WASL: variants seen among roughly 807,000 people sequenced by gnomAD.
The protein encoded by WASL is actin nucleation-promoting factor WASL.
In WASL, 20 loss-of-function variants were observed where a neutral mutation model predicts 55.5. The ratio of observed to expected loss-of-function variants is 0.36; its 90% CI spans 0.25 to 0.52. WASL has a LOEUF of 0.52. Among genes scored for constraint, WASL ranks in the 20% least tolerant of loss-of-function variants. The pLI is 0.92. For synonymous variants in WASL, 249 were observed against 217.6 expected, an observed-to-expected ratio of 1.14 and a Z score of -1.27; for missense variants, 504 against 622.5, an observed-to-expected ratio of 0.81 and a Z score of 2.03.
At position 123,702,061 on chromosome 7, in the gene WASL, C is replaced by CT. The variant is rs1238911175; in HGVS notation, c.460+2572dup. Among the ~76,000 whole-genome samples the CT allele has an allele frequency of 9.8e-3, 1,446 of 148,180 alleles. 33 individuals carry two copies. The highest frequency in any genetic ancestry group is 0.034 in the African/African-American group (1,363 of 40,518). ...TCATAGAAAGAAACTACATTTAATTCTTTTTTTTTTGAGACGGAGTCTTGC... is the reference window on the plus strand; with the variant it reads ...TCATAGAAAGAAACTACATTTAATTCTTTTTTTTTTTGAGACGGAGTCTTGC... On this transcript the variant is annotated intron_variant, in intron 5 of 10. Coordinates refer to ENST00000223023, the MANE Select transcript of WASL (RefSeq NM_003941.4).
chr7:123,737,148 A>C (rs1804246345), intron 1 of WASL, among the ~76,000 whole-genome samples: 1 of 152,150 alleles, frequency 6.6e-6, no homozygotes, highest in African/African-American at 2.4e-5. Flanking sequence ...TAGCTGATGA[A>C]CTTTTAAAAA....
chr7:123,704,154 G>A (rs1399827826), intron 5 of WASL, among the ~76,000 whole-genome samples: 4 of 152,108 alleles, frequency 2.6e-5, no homozygotes, highest in Admixed American at 2.6e-4. Flanking sequence ...CACCACAACA[G>A]TAGGTGTTCA....
At chr7:123,736,167 T>C (rs1166127601) in intron 1 of WASL, among the ~76,000 whole-genome samples, 1 of 152,168 alleles carries the variant, frequency 6.6e-6, no homozygotes, top group Non-Finnish European at 1.5e-5. Flanking sequence ...TATAATTTTA[T>C]ACCCAGAGAA....
At chr7:123,687,423 G>T (rs184637013) in intron 10 of WASL, among the ~76,000 whole-genome samples, 116 of 152,044 alleles carry the variant, frequency 7.6e-4, no homozygotes, top group Non-Finnish European at 1.3e-3. Context: ...TGCAAGCTCC[G>T]TGATCTCCTC....
intron 1 of WASL, among the ~76,000 whole-genome samples, chr7:123,719,439 C>T (rs1803899824): frequency 1.3e-5 from 2 of 152,106 alleles, no homozygotes; most frequent in South Asian, 4.1e-4. Context: ...ACTGTGAAGT[C>T]CTAATCTGGG....
intron 1 of WASL, among the ~76,000 whole-genome samples, chr7:123,727,353 T>TCTCACACACACA (rs1554406247): frequency 1.2e-4 from 18 of 147,818 alleles, no homozygotes; most frequent in East Asian, 4.0e-4. Flanking sequence ...AAAATATGTG[T>TCTCACACACACA]CACACACACA....
intron 1 of WASL, among the ~76,000 whole-genome samples, chr7:123,732,897 A>G (rs1213970699): frequency 6.6e-6 from 1 of 152,244 alleles, no homozygotes; most frequent in African/African-American, 2.4e-5. Context: ...AAAGTCAACT[A>G]ATATAACCTA....
intron 5 of WASL, among the ~76,000 whole-genome samples, chr7:123,700,285 T>A (rs1803566823): frequency 6.6e-6 from 1 of 151,002 alleles, no homozygotes; most frequent in Admixed American, 6.6e-5. Flanking sequence ...GATGGGAAAT[T>A]AGAGTTTCTT....
rs180830904 is a variant in WASL, at chr7:123,707,024, G to A, written c.253-198C>T. Reference sequence around the variant, plus strand: ...CTTAAAACTGAAAACACTGGATAACGTATCTTTCATAAAACCTACATATCA... The same window carrying A: ...CTTAAAACTGAAAACACTGGATAACATATCTTTCATAAAACCTACATATCA... On this transcript the variant is annotated intron_variant, in intron 2 of 10. Transcript: ENST00000223023. Among the ~76,000 whole-genome samples, 20 of 152,160 alleles carry A rather than the reference G, an allele frequency of 1.3e-4. No homozygotes were observed. The East Asian group carries it at 1.4e-3, about 10-fold the overall frequency.
In WASL at chr7:123,748,706, G is replaced by A. The variant is rs1804488777; in HGVS notation, c.29C>T (p.Pro10Leu). 2 of 1,607,310 alleles carry A rather than the reference G, an allele frequency of 1.2e-6. No individual in the cohort carries two copies. Among genetic ancestry groups the A allele is most frequent in the Non-Finnish European group, 1.7e-6 (2 of 1,177,238 alleles). ...CCCCACGTTGGTGACCCTCCGCGGC[G>A]GCGGCGGCTGCTGCTGGACGGAGCT... MSSVQQQPPPPRRVTNVGSL... is the reference protein window; with the variant it reads MSSVQQQPPLPRRVTNVGSL... Residue 10 changes from proline (P) to leucine (L), a missense_variant, in exon 1 of 11, where the codon CCG becomes CTG. This residue lies in a region of WASL where 230 missense variants were observed against 271.9 expected (regional missense o/e 0.85). Transcript: ENST00000223023.
chr7:123,712,557 T>C (rs1419458216), intron 1 of WASL, among the ~76,000 whole-genome samples: 1 of 152,214 alleles, frequency 6.6e-6, no homozygotes, highest in African/African-American at 2.4e-5. Context: ...AATAAACATT[T>C]GGCAAATCTG....
chr7:123,712,358 T>A (rs1208426348), intron 1 of WASL, among the ~76,000 whole-genome samples: 2 of 152,212 alleles, frequency 1.3e-5, no homozygotes, highest in Non-Finnish European at 2.9e-5. Flanking sequence ...AGTGAACAAG[T>A]ATTTGTTAAA....
intron 9 of WASL, among the ~76,000 whole-genome samples, chr7:123,690,650 GGGAGAAAGTTAT>G (rs1285130545): frequency 1.4e-5 from 1 of 72,504 alleles, no homozygotes; most frequent in Non-Finnish European, 3.1e-5. Context: ...GAGTTGGGAT[GGGAGAAAGTTAT>G]GGAGAAAGTA....
intron 1 of WASL, among the ~76,000 whole-genome samples, chr7:123,713,088 A>G (rs1803784496): frequency 6.6e-6 from 1 of 152,086 alleles, no homozygotes; most frequent in African/African-American, 2.4e-5. Context: ...AATATTTAAT[A>G]ATAACTAAAA....
chr7:123,721,471 A>G (rs1445966832), intron 1 of WASL, among the ~76,000 whole-genome samples: 2 of 152,204 alleles, frequency 1.3e-5, no homozygotes, highest in Non-Finnish European at 2.9e-5. Flanking sequence ...CTAAGGACTT[A>G]AAGTACAACA....
At chr7:123,720,762 T>C (rs1803932163) in intron 1 of WASL, among the ~76,000 whole-genome samples, 1 of 151,694 alleles carries the variant, frequency 6.6e-6, no homozygotes, top group Non-Finnish European at 1.5e-5. Flanking sequence ...GCCATTCTCC[T>C]GCCTCAGCCT....
At chr7:123,701,174 T>TATTC (rs2116780545) in intron 5 of WASL, among the ~76,000 whole-genome samples, 1 of 152,324 alleles carries the variant, frequency 6.6e-6, no homozygotes, top group East Asian at 1.9e-4. Context: ...AAAGTTTAAT[T>TATTC]ATTCCATTTA....
At chr7:123,699,004 AC>A (rs777848673) in intron 5 of WASL, among the ~76,000 whole-genome samples, 7 of 152,274 alleles carry the variant, frequency 4.6e-5, no homozygotes, top group Non-Finnish European at 1.0e-4. Context: ...AACACTATCC[AC>A]AATAAGGATG....
intron 1 of WASL, among the ~76,000 whole-genome samples, chr7:123,747,492 C>T (rs976335240): frequency 6.6e-6 from 1 of 152,184 alleles, no homozygotes; most frequent in Non-Finnish European, 1.5e-5. Flanking sequence ...AATCCAATAA[C>T]TTTCCAGAAA....
Sources: gnomAD v4.1 joint callset for allele counts (sites outside exome capture counted in the v4.1 genomes callset) on GRCh38, gnomAD v4.1.1 for gene constraint, gnomAD v4.1.1 regional missense constraint, MANE v1.5 for transcripts, NCBI Gene and HGNC (gene_info 2026-07-23, HGNC 2026-07-21) for gene names.